PIP5K1B: variants seen among roughly 807,000 people sequenced by gnomAD.
PIP5K1B encodes the protein phosphatidylinositol 4-phosphate 5-kinase type-1 beta.
PIP5K1B carries 42 observed loss-of-function variants against 67.0 expected under a neutral mutation model. The observed-to-expected ratio is 0.63, with a 90% CI of 0.49 to 0.81. The LOEUF (loss-of-function observed/expected upper bound fraction) is 0.81. Ranked by LOEUF, PIP5K1B falls within the 30% of genes least tolerant of loss-of-function variation. The pLI, the probability that PIP5K1B is intolerant of heterozygous loss-of-function variation, is 0.00. For synonymous variants in PIP5K1B, 214 were observed against 231.4 expected (o/e 0.92, Z 0.68); for missense variants, 459 against 646.3 (o/e 0.71, Z 3.14).
In PIP5K1B at chr9:68,867,747, C is replaced by T. The variant is rs541077317; in HGVS notation, c.200+3780C>T. 4.9e-4 allele frequency among the ~76,000 whole-genome samples: 74 copies of T among 152,214 alleles called. No individual in the cohort carries two copies. In the South Asian group the frequency reaches 8.3e-3, roughly 17 times the overall value. ...AATAATGCTTTCTCTCTAAGTATTT[C>T]CAAGCCCATATGGGGATGAAGAAAG... On this transcript the variant is annotated intron_variant, in intron 5 of 15. Coordinates refer to ENST00000265382, the MANE Select transcript of PIP5K1B (RefSeq NM_003558.4).
chr9:68,765,794 G>A (rs767493292), intron 2 of PIP5K1B, among the ~76,000 whole-genome samples: 9 of 152,162 alleles, frequency 5.9e-5, no homozygotes, highest in Non-Finnish European at 1.2e-4. Context: ...TACCAAGGTT[G>A]AAGTAGAGGT....
intron 8 of PIP5K1B, among the ~76,000 whole-genome samples, chr9:68,895,918 C>A (rs188462455): frequency 6.8e-4 from 103 of 152,250 alleles, no homozygotes; most frequent in Admixed American, 1.8e-3. Flanking sequence ...GCATTACTTA[C>A]CAAGTCAATG....
intron 2 of PIP5K1B, among the ~76,000 whole-genome samples, chr9:68,799,722 C>T (rs191235641): frequency 6.6e-5 from 10 of 152,198 alleles, no homozygotes; most frequent in Middle Eastern, 3.4e-3. Flanking sequence ...TTATATCAGA[C>T]GCAAAACCAA....
At chr9:68,767,583 G>T (rs911272793) in intron 2 of PIP5K1B, among the ~76,000 whole-genome samples, 6 of 118,430 alleles carry the variant, frequency 5.1e-5, no homozygotes, top group African/African-American at 6.8e-5. Flanking sequence ...GACAGAGCAA[G>T]ACTCTGTCTT....
intron 8 of PIP5K1B, among the ~76,000 whole-genome samples, chr9:68,907,346 A>T (rs1433538622): frequency 6.6e-6 from 1 of 152,158 alleles, no homozygotes; most frequent in East Asian, 1.9e-4. Flanking sequence ...TGTCACCTTC[A>T]TGCTAAGTGT....
At chr9:68,879,177 T>C (rs987337579) in intron 6 of PIP5K1B, among the ~76,000 whole-genome samples, 4 of 152,254 alleles carry the variant, frequency 2.6e-5, no homozygotes, top group Admixed American at 1.3e-4. Flanking sequence ...AGAATCCTTG[T>C]CTTTTAGAAG....
At chr9:68,963,880 T>A (rs1828883900) in intron 14 of PIP5K1B, 1 of 152,244 alleles carries the variant, frequency 6.6e-6, no homozygotes, top group African/African-American at 2.4e-5. Flanking sequence ...TAGCTTTCAA[T>A]GGGTCAAATT....
chr9:68,735,535 T>A (rs1328744471), intron 1 of PIP5K1B, among the ~76,000 whole-genome samples: 1 of 151,990 alleles, frequency 6.6e-6, no homozygotes, highest in African/African-American at 2.4e-5. Flanking sequence ...ATTACAGGCA[T>A]GTGCTACCAC....
At chr9:68,926,567 A>T (rs1004770474) in intron 12 of PIP5K1B, among the ~76,000 whole-genome samples, 9 of 151,668 alleles carry the variant, frequency 5.9e-5, no homozygotes, top group East Asian at 3.9e-4. Flanking sequence ...CTAATTTTTT[A>T]AATTTATTTA....
At chr9:68,823,238 AC>A (rs1833817011) in intron 4 of PIP5K1B, among the ~76,000 whole-genome samples, 1 of 152,178 alleles carries the variant, frequency 6.6e-6, no homozygotes, top group Non-Finnish European at 1.5e-5. Flanking sequence ...TGACATATTC[AC>A]AGGTCCCAAG....
intron 4 of PIP5K1B, among the ~76,000 whole-genome samples, chr9:68,858,281 G>T (rs999427694): frequency 4.6e-5 from 7 of 152,040 alleles, no homozygotes; most frequent in African/African-American, 1.7e-4. Context: ...GCCCTCTCTT[G>T]CTGTTGACAG....
At chr9:68,989,836 C>T (rs1479303992) in intron 14 of PIP5K1B, among the ~76,000 whole-genome samples, 9 of 152,020 alleles carry the variant, frequency 5.9e-5, no homozygotes, top group Admixed American at 5.9e-4. Context: ...AAAAATTAGC[C>T]AGGCATGGTG....
rs115763153 is a variant in PIP5K1B, at chr9:68,859,311, A to G, written c.70-4526A>G. On this transcript the variant is annotated intron_variant, in intron 4 of 15. Transcript: ENST00000265382. ...CATATCTGAACATGTTTGGGTTAAT[A>G]CAGAGGAGCTGTGAAACTAAACGTT... is the stretch of plus-strand genomic sequence containing the variant. Among the ~76,000 whole-genome samples the G allele has an allele frequency of 5.5e-3, 837 of 152,336 alleles. 10 individuals carry two copies. The highest frequency in any genetic ancestry group is 0.019 in the African/African-American group (792 of 41,574).
chr9:68,780,004 A>G, intron 2 of PIP5K1B: 1 of 933,114 alleles, frequency 1.1e-6, no homozygotes. Flanking sequence ...CGCCGCGAGT[A>G]CGGACATCGC....
chr9:68,729,406 G>C (rs1828310633), intron 1 of PIP5K1B, among the ~76,000 whole-genome samples: 1 of 151,946 alleles, frequency 6.6e-6, no homozygotes, highest in African/African-American at 2.4e-5. Context: ...ATTTCTGGGA[G>C]ATAGAAAAAA....
At chr9:68,735,471 C>T (rs1828692556) in intron 1 of PIP5K1B, among the ~76,000 whole-genome samples, 1 of 152,012 alleles carries the variant, frequency 6.6e-6, no homozygotes, top group Admixed American at 6.6e-5. Context: ...TCACTGAAAC[C>T]TCTGACTCCC....
Position 68,956,603 on chromosome 9 carries a change from A to T in PIP5K1B, c.1502+15813A>T, listed in dbSNP as rs181064382. Among the ~76,000 whole-genome samples the T allele has an allele frequency of 2.6e-4, 39 of 152,352 alleles. No homozygotes were observed. The East Asian group carries it at 7.3e-3, about 29-fold the overall frequency. On this transcript the variant is annotated intron_variant, in intron 14 of 15. Transcript: ENST00000265382. ...ATAGTTCTGTCAGTAGAATCATATG[A>T]TGTGATTTGGGCTAAGATCAGTATT... is the stretch of plus-strand genomic sequence containing the variant.
intron 4 of PIP5K1B, among the ~76,000 whole-genome samples, chr9:68,839,058 T>A (rs1188280968): frequency 6.6e-6 from 1 of 152,146 alleles, no homozygotes; most frequent in African/African-American, 2.4e-5. Context: ...ATCTTAAGAG[T>A]TAGTGCTTTT....
At chr9:68,767,012 A>C (rs191629048) in intron 2 of PIP5K1B, among the ~76,000 whole-genome samples, 30 of 152,322 alleles carry the variant, frequency 2.0e-4, no homozygotes, top group African/African-American at 6.3e-4. Flanking sequence ...ATAGTCAGGG[A>C]TATTGATATT....
Sources: allele counts gnomAD v4.1 joint callset (sites outside exome capture counted in the v4.1 genomes callset), GRCh38; gene constraint gnomAD v4.1.1; transcripts MANE v1.5; gene names NCBI Gene and HGNC (gene_info 2026-07-23, HGNC 2026-07-21).